SCHIP1: variants seen among roughly 807,000 people sequenced by gnomAD.
SCHIP1 encodes the protein schwannomin-interacting protein 1.
A neutral mutation model predicts 29.7 loss-of-function variants in SCHIP1; 8 were observed. That is an observed-to-expected ratio of 0.27 (90% confidence interval 0.16 to 0.49). SCHIP1 has a LOEUF of 0.49. Ranked by LOEUF, SCHIP1 falls within the 20% of genes least tolerant of loss-of-function variation. The probability of loss-of-function intolerance (pLI) is 0.99; values close to 1 mark genes in which losing one functional copy is unlikely to be tolerated. For missense variants in SCHIP1, 193 were observed against 294.6 expected, an observed-to-expected ratio of 0.66 and a Z score of 2.52; for synonymous variants, 76 against 94.9, an observed-to-expected ratio of 0.80 and a Z score of 1.16.
the SCHIP1 span, among the ~76,000 whole-genome samples, chr3:159,488,419 C>T: frequency 6.6e-6 from 1 of 152,024 alleles, no homozygotes; most frequent in South Asian, 2.1e-4. Context: ...CTTTGTATCG[C>T]TGTATCAAAA....
the SCHIP1 span, among the ~76,000 whole-genome samples, chr3:159,435,243 C>T: frequency 6.6e-6 from 1 of 152,112 alleles, no homozygotes; most frequent in Non-Finnish European, 1.5e-5. Flanking sequence ...ATGTGATATT[C>T]CGTGTAATTT....
At chr3:159,471,184 G>A in the SCHIP1 span, among the ~76,000 whole-genome samples, 3 of 152,118 alleles carry the variant, frequency 2.0e-5, no homozygotes, top group African/African-American at 4.8e-5. Flanking sequence ...TCCTGGAAAG[G>A]AGTTGTTTGC....
chr3:159,536,211 C>T, the SCHIP1 span, among the ~76,000 whole-genome samples: 4 of 152,128 alleles, frequency 2.6e-5, no homozygotes, highest in Non-Finnish European at 5.9e-5. Context: ...ACAGAGTTTT[C>T]TTTAGATTAA....
At chr3:159,654,501 C>T in the SCHIP1 span, among the ~76,000 whole-genome samples, 6 of 152,060 alleles carry the variant, frequency 3.9e-5, no homozygotes, top group Admixed American at 2.6e-4. Flanking sequence ...TATCTACAAA[C>T]CCCCCACTTA....
chr3:159,870,010 T>C (rs1206765735), intron 2 of SCHIP1, among the ~76,000 whole-genome samples: 1 of 151,994 alleles, frequency 6.6e-6, no homozygotes, highest in Non-Finnish European at 1.5e-5. Flanking sequence ...CAGTAATGCT[T>C]TCTCATTTGC....
At chr3:159,868,262 A>C (rs1277627866) in intron 2 of SCHIP1, among the ~76,000 whole-genome samples, 2 of 151,772 alleles carry the variant, frequency 1.3e-5, no homozygotes, top group East Asian at 3.9e-4. Context: ...ACTCTCCAGA[A>C]GAAATAACTT....
At chr3:159,526,741 T>A in the SCHIP1 span, among the ~76,000 whole-genome samples, 11 of 152,206 alleles carry the variant, frequency 7.2e-5, no homozygotes, top group African/African-American at 2.4e-4. Flanking sequence ...AGTCAACATC[T>A]TGCCATATCT....
At chr3:159,801,206 A>G in the SCHIP1 span, among the ~76,000 whole-genome samples, 1 of 152,200 alleles carries the variant, frequency 6.6e-6, no homozygotes. Context: ...GTATACAAGT[A>G]TTTTATATCA....
At chr3:159,738,489 G>A in the SCHIP1 span, among the ~76,000 whole-genome samples, 1 of 152,096 alleles carries the variant, frequency 6.6e-6, no homozygotes, top group Admixed American at 6.5e-5. Flanking sequence ...TTCACTGTGG[G>A]ACTTGTTATT....
chr3:159,296,334 A>G, the SCHIP1 span, among the ~76,000 whole-genome samples: 3 of 152,206 alleles, frequency 2.0e-5, no homozygotes, highest in Non-Finnish European at 4.4e-5. Context: ...ACAAATAAAA[A>G]TTGCATATAT....
chr3:159,842,134 A>G (rs1744280963), intron 1 of SCHIP1, among the ~76,000 whole-genome samples: 2 of 152,116 alleles, frequency 1.3e-5, no homozygotes, highest in Non-Finnish European at 2.9e-5. Context: ...CTTCCCCACC[A>G]TTTTACAAGG....
the SCHIP1 span, among the ~76,000 whole-genome samples, chr3:159,316,609 C>G: frequency 2.0e-5 from 3 of 152,138 alleles, no homozygotes; most frequent in African/African-American, 7.2e-5. Context: ...CAACTTGAAC[C>G]TGTACACATC....
the SCHIP1 span, among the ~76,000 whole-genome samples, chr3:159,699,175 T>C: frequency 6.6e-6 from 1 of 152,364 alleles, no homozygotes; most frequent in African/African-American, 2.4e-5. Context: ...AATGTTTCTA[T>C]TCTTTGGGCA....
the SCHIP1 span, among the ~76,000 whole-genome samples, chr3:159,787,339 C>T: frequency 2.0e-5 from 3 of 152,336 alleles, no homozygotes; most frequent in South Asian, 4.1e-4. Flanking sequence ...TCATCTCCCT[C>T]GGCTTTTTCC....
At chr3:159,407,418 G>A in the SCHIP1 span, among the ~76,000 whole-genome samples, 1 of 152,112 alleles carries the variant, frequency 6.6e-6, no homozygotes, top group Non-Finnish European at 1.5e-5. Context: ...AGAGAGAGAT[G>A]GGCCCCAGTA....
At chr3:159,703,066 G>A in the SCHIP1 span, among the ~76,000 whole-genome samples, 2 of 152,170 alleles carry the variant, frequency 1.3e-5, no homozygotes, top group South Asian at 4.1e-4. Context: ...TGTAAAGGAG[G>A]AGGCTGTTAT....
the SCHIP1 span, among the ~76,000 whole-genome samples, chr3:159,494,885 A>G: frequency 1.6e-4 from 25 of 152,272 alleles, no homozygotes; most frequent in South Asian, 4.1e-4. Flanking sequence ...GAATCCAGCA[A>G]CACATCAAAA....
rs528094168 is a variant in SCHIP1, at chr3:159,845,519, T to G, written c.30+5305T>G. On this transcript the variant is annotated intron_variant, in intron 1 of 6. Coordinates refer to ENST00000445224, the Ensembl canonical transcript of SCHIP1. ...CCTTAGCCTCCTGAGTAGCTGAGAT[T>G]ACACGCGTCCACCACCATGCCCAGC... 2.6e-5 allele frequency: 4 copies of G among 152,164 alleles called. No individual in the cohort carries two copies. The East Asian group carries it at 7.7e-4, about 29-fold the overall frequency. The allele number at this position is 152,164 out of a possible 1,614,324, so 9.4% of individuals were successfully genotyped here. A position where few individuals can be genotyped will look rare whatever the true frequency, so the allele number is the denominator to read the frequency against.
the SCHIP1 span, among the ~76,000 whole-genome samples, chr3:159,450,519 T>C: frequency 6.6e-6 from 1 of 152,232 alleles, no homozygotes; most frequent in South Asian, 2.1e-4. Flanking sequence ...GGAACACATT[T>C]GATAACACAT....
Sources: gnomAD v4.1 joint callset for allele counts (sites outside exome capture counted in the v4.1 genomes callset) on GRCh38, gnomAD v4.1.1 for gene constraint, MANE v1.5 for transcripts, NCBI Gene and HGNC (gene_info 2026-07-23, HGNC 2026-07-21) for gene names.